FAT4: variants seen among roughly 807,000 people sequenced by gnomAD.
FAT4 encodes FAT atypical cadherin 4.
A neutral mutation model predicts 303.9 loss-of-function variants in FAT4; 84 were observed. The ratio of observed to expected loss-of-function variants is 0.28; its 90% CI spans 0.23 to 0.33. The LOEUF (loss-of-function observed/expected upper bound fraction) is 0.33, where lower values mean the gene tolerates loss of function less well. Among genes scored for constraint, FAT4 ranks in the 10% least tolerant of loss-of-function variants. The probability of loss-of-function intolerance (pLI) is 1.00; values close to 1 mark genes in which losing one functional copy is unlikely to be tolerated. For missense variants in FAT4, 6,005 were observed against 6,146.8 expected (o/e 0.98, Z 0.77); for synonymous variants, 2,307 against 2,298.8 (o/e 1.00, Z -0.10).
rs1389670414 is a variant in FAT4, at chr4:125,446,482, C to A, written c.7389C>A (p.Asp2463Glu). Reference protein sequence around the residue: ...SVLVTVTDVNDNPPRFQHHPY... With the variant: ...SVLVTVTDVNENPPRFQHHPY... ...TTGTCACTGTGACTGATGTCAATGA[C>A]AATCCACCAAGATTTCAGCATCACC... is the stretch of plus-strand genomic sequence containing the variant. The change falls in exon 9 of 18, where the codon GAC becomes GAA. Residue 2463 changes from aspartate (D) to glutamate (E), a missense_variant. By Grantham distance (45) the Asp-to-Glu change is conservative (BLOSUM62 2). Coordinates refer to ENST00000394329, the MANE Select transcript of FAT4 (RefSeq NM_001291303.3). 1 of 1,613,324 alleles carries A rather than the reference C, an allele frequency of 6.2e-7. No individual in the cohort carries two copies. The highest frequency in any genetic ancestry group is 8.5e-7 in the Non-Finnish European group (1 of 1,179,516).
At chr4:125,414,424 T>G (rs773804629) in intron 5 of FAT4, among the ~76,000 whole-genome samples, 3 of 152,158 alleles carry the variant, frequency 2.0e-5, no homozygotes, top group Non-Finnish European at 2.9e-5. Context: ...AGCTAGACAC[T>G]TAATAGGAAT....
intron 12 of FAT4, among the ~76,000 whole-genome samples, chr4:125,469,655 G>C (rs754178741): frequency 7.9e-5 from 12 of 152,104 alleles, no homozygotes; most frequent in Non-Finnish European, 1.6e-4. Flanking sequence ...ATCCTTTCAT[G>C]TTTGTTTTGC....
At chr4:125,390,865 G>A (rs1733950633) in intron 2 of FAT4, among the ~76,000 whole-genome samples, 1 of 152,058 alleles carries the variant, frequency 6.6e-6, no homozygotes, top group African/African-American at 2.4e-5. Context: ...GAAATTTTAA[G>A]TCATGATTCA....
intron 5 of FAT4, among the ~76,000 whole-genome samples, chr4:125,412,981 A>G (rs1319506599): frequency 1.3e-5 from 2 of 151,776 alleles, no homozygotes; most frequent in Non-Finnish European, 3.0e-5. Context: ...AAGTAATTAA[A>G]CGTAACTATA....
chr4:125,380,008 C>T (rs1281694849), intron 2 of FAT4, among the ~76,000 whole-genome samples: 1 of 152,088 alleles, frequency 6.6e-6, no homozygotes, highest in Non-Finnish European at 1.5e-5. Flanking sequence ...ATTCTCCTGC[C>T]TCAGCCTCCT....
chr4:125,426,590 C>A (rs1725096181), intron 7 of FAT4, among the ~76,000 whole-genome samples: 1 of 151,948 alleles, frequency 6.6e-6, no homozygotes, highest in Non-Finnish European at 1.5e-5. Flanking sequence ...TTTAAATCAG[C>A]TACTCTTTAG....
intron 2 of FAT4, among the ~76,000 whole-genome samples, chr4:125,379,942 G>A (rs1186602314): frequency 6.6e-6 from 1 of 152,058 alleles, no homozygotes; most frequent in Non-Finnish European, 1.5e-5. Flanking sequence ...TGCCCAGGCT[G>A]GAGTGCAGTG....
chr4:125,423,323 C>A (rs1724972023), intron 7 of FAT4, among the ~76,000 whole-genome samples: 1 of 150,688 alleles, frequency 6.6e-6, no homozygotes, highest in African/African-American at 2.4e-5. Flanking sequence ...CTTGGGTGGG[C>A]CCAGGGCACC....
Position 125,448,150 on chromosome 4 carries a change from A to C in FAT4, c.7451-311A>C, listed in dbSNP as rs1006009247. ...TTTTATGTGCAGATTTTTCTCCTAG[A>C]AACTATGATTTTTGAACGATTAGCA... On this transcript the variant is annotated intron_variant, in intron 9 of 17. Coordinates refer to ENST00000394329, the MANE Select transcript of FAT4 (RefSeq NM_001291303.3). Among the ~76,000 whole-genome samples, 16 of 152,174 alleles carry C rather than the reference A, an allele frequency of 1.1e-4. 1 individual carries two copies. The highest frequency in any genetic ancestry group is 3.4e-4 in the African/African-American group (14 of 41,540).
chr4:125,392,066 C>A (rs1305339325), intron 2 of FAT4, among the ~76,000 whole-genome samples: 1 of 151,934 alleles, frequency 6.6e-6, no homozygotes, highest in Non-Finnish European at 1.5e-5. Flanking sequence ...TCTTCAGTAT[C>A]CTGAAGATAT....
chr4:125,391,409 A>C (rs1456770285), intron 2 of FAT4, among the ~76,000 whole-genome samples: 1 of 152,174 alleles, frequency 6.6e-6, no homozygotes, highest in Non-Finnish European at 1.5e-5. Context: ...TCAGCAAACT[A>C]ACACAGGAAC....
At chr4:125,473,646 C>T (rs1726935125) in intron 12 of FAT4, among the ~76,000 whole-genome samples, 1 of 151,932 alleles carries the variant, frequency 6.6e-6, no homozygotes, top group Admixed American at 6.6e-5. Flanking sequence ...TGTAAGATAA[C>T]CATATTTCTG....
chr4:125,383,956 A>G (rs954457126), intron 2 of FAT4, among the ~76,000 whole-genome samples: 4 of 152,224 alleles, frequency 2.6e-5, no homozygotes, highest in Non-Finnish European at 4.4e-5. Context: ...TCAGACTGAC[A>G]TACTTCATTG....
rs1337206784 is a variant in FAT4 at position 125,315,484 on chromosome 4, G to A, written c.-506G>A. On this transcript the variant is annotated 5_prime_UTR_variant, in exon 1 of 18. Transcript: ENST00000394329. ...CATGGTGAGGGGAGGGCGACTCGGG[G>A]ACCGCACGCTGTTTCTGCCCGACCC... Among the ~76,000 whole-genome samples the A allele has an allele frequency of 6.6e-6, 1 of 152,196 alleles. No individual in the cohort carries two copies.
chr4:125,356,333 G>T (rs917057354), intron 2 of FAT4, among the ~76,000 whole-genome samples: 2 of 151,920 alleles, frequency 1.3e-5, no homozygotes, highest in African/African-American at 4.8e-5. Flanking sequence ...TAAATGTAGA[G>T]AAATGCTCTT....
intron 7 of FAT4, among the ~76,000 whole-genome samples, chr4:125,422,655 C>T (rs1724947172): frequency 6.6e-6 from 1 of 152,150 alleles, no homozygotes; most frequent in Non-Finnish European, 1.5e-5. Context: ...TTATAAATTA[C>T]CCAGTCTTGG....
intron 2 of FAT4, among the ~76,000 whole-genome samples, chr4:125,340,372 A>T (rs1731736616): frequency 7.3e-6 from 1 of 137,608 alleles, no homozygotes; most frequent in South Asian, 2.4e-4. Flanking sequence ...CGTAGAGCAC[A>T]TTGTAAGAAA....
At chr4:125,408,208 G>A (rs1037165888) in intron 4 of FAT4, among the ~76,000 whole-genome samples, 18 of 152,030 alleles carry the variant, frequency 1.2e-4, no homozygotes, top group Non-Finnish European at 2.1e-4. Context: ...TAATTCCTCA[G>A]GAAATTTATG....
intron 12 of FAT4, among the ~76,000 whole-genome samples, chr4:125,471,043 G>C (rs1035701095): frequency 6.6e-6 from 1 of 152,194 alleles, no homozygotes; most frequent in South Asian, 2.1e-4. Context: ...AATTTCAGTA[G>C]TGTTTTATCT....
Sources: gnomAD v4.1 joint callset for allele counts (sites outside exome capture counted in the v4.1 genomes callset) on GRCh38, gnomAD v4.1.1 for gene constraint, MANE v1.5 for transcripts, NCBI Gene and HGNC (gene_info 2026-07-23, HGNC 2026-07-21) for gene names.